Variants in DPYD observed in about 807,000 individuals in gnomAD.
The protein encoded by DPYD is dihydropyrimidine dehydrogenase, also known as dihydropyrimidine dehydrogenase [NADP(+)].
A neutral mutation model predicts 116.2 loss-of-function variants in DPYD; 109 were observed. The ratio of observed to expected loss-of-function variants is 0.94; its 90% CI spans 0.80 to 1.10. The LOEUF is 1.10. Ranked by LOEUF, DPYD falls within the 50% of genes least tolerant of loss-of-function variation. The pLI, the probability that DPYD is intolerant of heterozygous loss-of-function variation, is 0.00. For missense variants in DPYD, 1,302 were observed against 1,254.5 expected, an observed-to-expected ratio of 1.04 and a Z score of -0.57; for synonymous variants, 440 against 432.0, an observed-to-expected ratio of 1.02 and a Z score of -0.23.
chr1:97,839,815 T>C (rs1278288593), intron 2 of DPYD, among the ~76,000 whole-genome samples: 1 of 152,162 alleles, frequency 6.6e-6, no homozygotes, highest in Non-Finnish European at 1.5e-5. Flanking sequence ...CCACTAGCAA[T>C]GTATGAAAGA....
intron 15 of DPYD, among the ~76,000 whole-genome samples, chr1:97,381,560 G>C (rs1338738929): frequency 6.6e-6 from 1 of 152,136 alleles, no homozygotes; most frequent in Non-Finnish European, 1.5e-5. Context: ...CTAAGTCCCA[G>C]TAGTAATTTT....
At chr1:97,895,347 A>C (rs1162303081) in intron 1 of DPYD, among the ~76,000 whole-genome samples, 1 of 151,810 alleles carries the variant, frequency 6.6e-6, no homozygotes, top group Non-Finnish European at 1.5e-5. Context: ...CCAGTCAACA[A>C]ATAGAGATGC....
At chr1:97,366,110 T>G (rs1671024226) in intron 16 of DPYD, among the ~76,000 whole-genome samples, 5 of 152,172 alleles carry the variant, frequency 3.3e-5, no homozygotes, top group Non-Finnish European at 7.3e-5. Context: ...TAACTATAAT[T>G]GAAAAACTCA....
At chr1:97,164,775 ATGAC>A (rs1656192171) in intron 20 of DPYD, among the ~76,000 whole-genome samples, 1 of 152,168 alleles carries the variant, frequency 6.6e-6, no homozygotes, top group Non-Finnish European at 1.5e-5. Flanking sequence ...TAAATCAGAG[ATGAC>A]ACAAACAAAC....
At chr1:97,204,723 G>C (rs1452293178) in intron 19 of DPYD, among the ~76,000 whole-genome samples, 1 of 151,990 alleles carries the variant, frequency 6.6e-6, no homozygotes, top group Non-Finnish European at 1.5e-5. Context: ...TATATTGGAG[G>C]GAGACTTTCA....
At chr1:97,291,698 G>GC (rs1666188278) in intron 18 of DPYD, among the ~76,000 whole-genome samples, 1 of 151,532 alleles carries the variant, frequency 6.6e-6, no homozygotes, top group Non-Finnish European at 1.5e-5. Context: ...GGGGTGGGGG[G>GC]AGTGGGGAGG....
At chr1:97,301,413 T>A (rs1558011637) in intron 18 of DPYD, among the ~76,000 whole-genome samples, 1 of 151,956 alleles carries the variant, frequency 6.6e-6, no homozygotes, top group African/African-American at 2.4e-5. Flanking sequence ...AATAAAATAA[T>A]TTAAAATAAT....
In DPYD at chr1:97,504,638, A is replaced by C. The variant is rs546961091; in HGVS notation, c.1740+11088T>G. On this transcript the variant is annotated intron_variant, in intron 13 of 22. Coordinates refer to ENST00000370192, the MANE Select transcript of DPYD (RefSeq NM_000110.4). ...GTACCCATTAGATAAACGTTAGTCT[A>C]AACAAAAGTATGTCTCCTAAAGAGG... 1.1e-3 allele frequency among the ~76,000 whole-genome samples: 172 copies of C among 152,172 alleles called. 1 individual carries two copies. The highest frequency in any genetic ancestry group is 1.8e-3 in the Non-Finnish European group (121 of 67,958).
intron 9 of DPYD, among the ~76,000 whole-genome samples, chr1:97,593,743 A>G (rs576055959): frequency 2.0e-5 from 3 of 152,308 alleles, no homozygotes; most frequent in Non-Finnish European, 4.4e-5. Flanking sequence ...TGCTAGAAGA[A>G]AAAAGTGATC....
In DPYD at chr1:97,715,014, T is replaced by A. The variant is rs147436535; in HGVS notation, c.483+6496A>T. Among the ~76,000 whole-genome samples, 28 of 152,262 alleles carry A rather than the reference T, an allele frequency of 1.8e-4. No homozygotes were observed. The East Asian group carries it at 5.2e-3, about 28-fold the overall frequency. On this transcript the variant is annotated intron_variant, in intron 5 of 22. Transcript: ENST00000370192. ...CTGTTACTCATATGTAAAATGGAAA[T>A]AATAACATTATTTGGAGAGTTATTC...
chr1:97,877,088 G>C lies in DPYD; in HGVS notation c.150+6176C>G, dbSNP rs150479913. 4.0e-3 allele frequency among the ~76,000 whole-genome samples: 603 copies of C among 152,140 alleles called. 5 individuals carry two copies. The highest frequency in any genetic ancestry group is 0.014 in the African/African-American group (577 of 41,540). ...ATGGAGAATCTGTGACTCGACAAAC[G>C]AAGCCCTGGGAGAGTAGATTGAACC... On this transcript the variant is annotated intron_variant, in intron 2 of 22. Transcript: ENST00000370192.
chr1:97,325,840 A>G (rs1302822813), intron 16 of DPYD, among the ~76,000 whole-genome samples: 1 of 151,934 alleles, frequency 6.6e-6, no homozygotes, highest in Non-Finnish European at 1.5e-5. Flanking sequence ...ATCATATGAA[A>G]TGGGAAGGAA....
At chr1:97,504,357 T>C (rs1413041448) in intron 13 of DPYD, among the ~76,000 whole-genome samples, 1 of 151,992 alleles carries the variant, frequency 6.6e-6, no homozygotes, top group Non-Finnish European at 1.5e-5. Flanking sequence ...TTCCTAGAAT[T>C]TGTCAGGGGA....
At chr1:97,558,902 A>C (rs1356060501) in intron 11 of DPYD, among the ~76,000 whole-genome samples, 1 of 152,186 alleles carries the variant, frequency 6.6e-6, no homozygotes, top group Non-Finnish European at 1.5e-5. Context: ...GATCTCCTCC[A>C]GGAGGTCAGT....
intron 14 of DPYD, among the ~76,000 whole-genome samples, chr1:97,411,598 T>C (rs1443550304): frequency 6.6e-6 from 1 of 152,180 alleles, no homozygotes; most frequent in Non-Finnish European, 1.5e-5. Context: ...TAATAAAATA[T>C]TCATTTATCA....
chr1:97,548,633 G>T (rs992877288), intron 12 of DPYD, among the ~76,000 whole-genome samples: 8 of 152,032 alleles, frequency 5.3e-5, no homozygotes, highest in Admixed American at 1.3e-4. Context: ...GCTACTCAGG[G>T]GCTGAGGCAT....
chr1:97,566,694 C>T (rs1652541621), intron 11 of DPYD, among the ~76,000 whole-genome samples: 1 of 151,836 alleles, frequency 6.6e-6, no homozygotes, highest in Non-Finnish European at 1.5e-5. Flanking sequence ...TCAATTTTTC[C>T]CCCTTCCCCT....
chr1:97,849,167 AC>A (rs1466646845), intron 2 of DPYD, among the ~76,000 whole-genome samples: 4 of 152,200 alleles, frequency 2.6e-5, no homozygotes, highest in Non-Finnish European at 5.9e-5. Context: ...ATTATGCAAA[AC>A]ATTTGCATAT....
At chr1:97,675,274 A>C in intron 8 of DPYD, among the ~76,000 whole-genome samples, 1 of 152,188 alleles carries the variant, frequency 6.6e-6, no homozygotes, top group East Asian at 1.9e-4. Flanking sequence ...TCTACGTCTC[A>C]ATATTTTCAG....
Sources: allele counts gnomAD v4.1 joint callset (sites outside exome capture counted in the v4.1 genomes callset), GRCh38; gene constraint gnomAD v4.1.1; transcripts MANE v1.5; gene names NCBI Gene and HGNC (gene_info 2026-07-23, HGNC 2026-07-21).